The following PSMB7 variants were observed in gnomAD, a reference collection of about 807,000 sequenced individuals.
The protein encoded by PSMB7 is proteasome 20S subunit beta 7.
Under a neutral mutation model 28.1 loss-of-function variants are expected in PSMB7, and 5 were observed. The ratio of observed to expected loss-of-function variants is 0.18; its 90% CI spans 0.09 to 0.37. PSMB7 has a LOEUF of 0.37. Among genes scored for constraint, PSMB7 ranks in the 10% least tolerant of loss-of-function variants. The pLI is 1.00. For missense variants in PSMB7, 275 were observed against 346.2 expected, an observed-to-expected ratio of 0.79 and a Z score of 1.63; for synonymous variants, 122 against 123.7, an observed-to-expected ratio of 0.99 and a Z score of 0.09.
intron 5 of PSMB7, among the ~76,000 whole-genome samples, chr9:124,404,176 A>T (rs190718295): frequency 3.3e-5 from 5 of 152,202 alleles, no homozygotes; most frequent in African/African-American, 1.2e-4. Context: ...GGCATGAGCC[A>T]CCGTGCCTGG....
chr9:124,374,198 T>C (rs1214250836), intron 6 of PSMB7, among the ~76,000 whole-genome samples: 2 of 152,192 alleles, frequency 1.3e-5, no homozygotes, highest in Non-Finnish European at 2.9e-5. Context: ...TGTACAGAGA[T>C]AGTGGATTAG....
Position 124,353,516 on chromosome 9 carries a change from A to G in PSMB7, c.*82T>C. 1 of 1,057,052 alleles carries G rather than the reference A, an allele frequency of 9.5e-7. No individual in the cohort carries two copies. Among genetic ancestry groups the G allele is most frequent in the Non-Finnish European group, 1.5e-6 (1 of 686,732 alleles). 65.5% of individuals were successfully genotyped at this position (1,057,052 alleles called of 1,614,324 possible). A position where few individuals can be genotyped will look rare whatever the true frequency, so the allele number is the denominator to read the frequency against. On this transcript the variant is annotated 3_prime_UTR_variant, in exon 8 of 8. Coordinates refer to ENST00000259457, the MANE Select transcript of PSMB7 (RefSeq NM_002799.4). ...TTTATTGAGTTGAGTTTCATTCGGC[A>G]AACACTAGCCACATGAGTGTCTTAC...
Position 124,396,007 on chromosome 9 carries a change from T to C in PSMB7, c.511+9310A>G, listed in dbSNP as rs181372418. Among the ~76,000 whole-genome samples, 55 of 152,286 alleles carry C rather than the reference T, an allele frequency of 3.6e-4. 1 individual carries two copies. Among genetic ancestry groups the C allele is most frequent in the African/African-American group, 1.3e-3 (52 of 41,554 alleles). ...AGACACATGCTTCTAAAGCCTCTTA[T>C]ACACAGTCAACCACATGGCTGACCC... is the stretch of plus-strand genomic sequence containing the variant. On this transcript the variant is annotated intron_variant, in intron 5 of 7. Transcript: ENST00000259457.
Position 124,356,617 on chromosome 9 carries a change from CG to C in PSMB7, c.722+146del. 1 of 900,416 alleles carries C rather than the reference CG, an allele frequency of 1.1e-6. No homozygotes were observed. The highest frequency in any genetic ancestry group is 1.6e-6 in the Non-Finnish European group (1 of 606,474). 55.8% of individuals were successfully genotyped at this position (900,416 alleles called of 1,614,324 possible). A position where few individuals can be genotyped will look rare whatever the true frequency, so the allele number is the denominator to read the frequency against. On this transcript the variant is annotated intron_variant, in intron 7 of 7. Coordinates refer to ENST00000259457, the MANE Select transcript of PSMB7 (RefSeq NM_002799.4). The surrounding 1 kb of genome is among the most constrained non-coding windows in gnomAD (Gnocchi z 4.4). ...CACTGTCATAAAGCAAGTAACAAGC[CG>C]AAGGTCTGTGTGGGAGGTTGATTTG...
Position 124,412,479 on chromosome 9 carries a change from C to T in PSMB7, c.268G>A (p.Gly90Arg). The T allele has an allele frequency of 6.2e-7, 1 of 1,613,864 alleles. No homozygotes were observed. The highest frequency in any genetic ancestry group is 1.7e-4 in the Middle Eastern group (1 of 6,032). Residue 90 changes from glycine (G) to arginine (R), a missense_variant, in exon 4 of 8, where the codon GGG (glycine) becomes AGG (arginine). This residue lies in a region of PSMB7 where 213 missense variants were observed against 302.4 expected (regional missense o/e 0.70). Coordinates refer to ENST00000259457, the MANE Select transcript of PSMB7 (RefSeq NM_002799.4). ...ISPNIYCCGA[G>R]TAADTDMTTQ... ...GTCATGTCTGTGTCTGCAGCTGTCCCAGCACCACAACAACTGAAAAATCCA... is the reference window on the plus strand; with the variant it reads ...GTCATGTCTGTGTCTGCAGCTGTCCTAGCACCACAACAACTGAAAAATCCA...
chr9:124,414,350 T>A (rs915743368), intron 2 of PSMB7, among the ~76,000 whole-genome samples: 3 of 152,350 alleles, frequency 2.0e-5, no homozygotes, highest in Admixed American at 2.0e-4. Context: ...AATTTCCTTT[T>A]AAAACATGTT....
intron 5 of PSMB7, among the ~76,000 whole-genome samples, chr9:124,396,316 AG>A (rs1830842915): frequency 1.3e-5 from 1 of 75,872 alleles, no homozygotes; most frequent in South Asian, 5.6e-4. Flanking sequence ...AATACAGAAA[AG>A]GTTGTACTTT....
intron 5 of PSMB7, among the ~76,000 whole-genome samples, chr9:124,402,072 A>G (rs1455300798): frequency 6.6e-6 from 1 of 152,112 alleles, no homozygotes; most frequent in Non-Finnish European, 1.5e-5. Context: ...ACCTCAAAGT[A>G]ACAATTTACT....
At chr9:124,355,161 T>C (rs1425376943) in intron 7 of PSMB7, among the ~76,000 whole-genome samples, 1 of 152,230 alleles carries the variant, frequency 6.6e-6, no homozygotes, top group African/African-American at 2.4e-5. Flanking sequence ...GCTTGGACAC[T>C]TGCTGCCCTT....
intron 6 of PSMB7, among the ~76,000 whole-genome samples, chr9:124,372,144 T>C (rs144730158): frequency 6.6e-6 from 1 of 152,352 alleles, no homozygotes; most frequent in Non-Finnish European, 1.5e-5. Flanking sequence ...CCTTCTTTTC[T>C]ATCTACTTTG....
At chr9:124,399,083 T>A (rs1462977352) in intron 5 of PSMB7, among the ~76,000 whole-genome samples, 9 of 148,930 alleles carry the variant, frequency 6.0e-5, no homozygotes, top group African/African-American at 2.2e-4. Flanking sequence ...ACCACACAAA[T>A]GGAACACAAT....
chr9:124,400,131 C>T (rs1402741322), intron 5 of PSMB7, among the ~76,000 whole-genome samples: 1 of 152,170 alleles, frequency 6.6e-6, no homozygotes, highest in African/African-American at 2.4e-5. Context: ...TCCTGCCGCA[C>T]CCATGCAGCA....
At chr9:124,365,739 G>A (rs552573040) in intron 6 of PSMB7, among the ~76,000 whole-genome samples, 2 of 152,100 alleles carry the variant, frequency 1.3e-5, no homozygotes, top group East Asian at 3.9e-4. Context: ...AACATAGTGA[G>A]ACCTTGTCTC....
chr9:124,402,660 T>C (rs923836592), intron 5 of PSMB7, among the ~76,000 whole-genome samples: 5 of 152,176 alleles, frequency 3.3e-5, no homozygotes, highest in Admixed American at 2.0e-4. Context: ...TCAGTGTTTG[T>C]TGAACGTTAC....
At chr9:124,387,188 G>GT (rs1055867744) in intron 5 of PSMB7, among the ~76,000 whole-genome samples, 2 of 152,176 alleles carry the variant, frequency 1.3e-5, no homozygotes, top group African/African-American at 4.8e-5. Flanking sequence ...AGAGTTTGCA[G>GT]TGAGCCCAGA....
intron 6 of PSMB7, among the ~76,000 whole-genome samples, chr9:124,379,294 T>C (rs1442864205): frequency 2.0e-5 from 3 of 152,240 alleles, no homozygotes; most frequent in Non-Finnish European, 4.4e-5. Context: ...CTAAGTAAAG[T>C]TGTGTTTAAC....
intron 5 of PSMB7, among the ~76,000 whole-genome samples, chr9:124,391,017 A>C (rs1007715743): frequency 1.3e-5 from 2 of 152,208 alleles, no homozygotes; most frequent in Non-Finnish European, 2.9e-5. Context: ...TAGAGGTACA[A>C]TCATCTTAAT....
chr9:124,364,524 GAAAAA>G (rs10595510), intron 6 of PSMB7, among the ~76,000 whole-genome samples: 2 of 132,110 alleles, frequency 1.5e-5, no homozygotes, highest in East Asian at 2.2e-4. Context: ...TGTAATCAGA[GAAAAA>G]AAAAAAAAAA....
chr9:124,384,452 G>T, intron 6 of PSMB7, 146 bp downstream of exon 6: 1 of 757,194 alleles, frequency 1.3e-6, no homozygotes, highest in South Asian at 2.2e-5. Flanking sequence ...TGGTCTCTTC[G>T]GCAAACAGAC....
Sources: allele counts gnomAD v4.1 joint callset (sites outside exome capture counted in the v4.1 genomes callset), GRCh38; gene constraint gnomAD v4.1.1; regional missense constraint gnomAD v4.1.1; non-coding constraint Gnocchi (gnomAD v3.1); transcripts MANE v1.5; gene names NCBI Gene and HGNC (gene_info 2026-07-23, HGNC 2026-07-21).